ROBO2: variants seen among roughly 807,000 people sequenced by gnomAD.
The protein encoded by ROBO2 is roundabout guidance receptor 2.
Under a neutral mutation model 160.8 loss-of-function variants are expected in ROBO2, and 53 were observed. The observed-to-expected ratio is 0.33, with a 90% CI of 0.26 to 0.41. The LOEUF (loss-of-function observed/expected upper bound fraction) is 0.41. Among genes scored for constraint, ROBO2 ranks in the 10% least tolerant of loss-of-function variants. The probability of loss-of-function intolerance (pLI) is 1.00; values close to 1 mark genes in which losing one functional copy is unlikely to be tolerated. For missense variants in ROBO2, 1,577 were observed against 1,722.4 expected, an observed-to-expected ratio of 0.92 and a Z score of 1.49; for synonymous variants, 664 against 611.7, an observed-to-expected ratio of 1.09 and a Z score of -1.26.
intron 2 of ROBO2, among the ~76,000 whole-genome samples, chr3:76,223,265 T>C (rs1704084282): frequency 6.6e-6 from 1 of 151,956 alleles, no homozygotes; most frequent in Non-Finnish European, 1.5e-5. Context: ...CTGAAGAGAA[T>C]CAGCATTATT....
At chr3:76,577,578 A>G (rs750239425) in intron 2 of ROBO2, among the ~76,000 whole-genome samples, 3 of 152,162 alleles carry the variant, frequency 2.0e-5, no homozygotes, top group South Asian at 2.1e-4. Context: ...ACATGCTTCA[A>G]TCACACCTGA....
intron 2 of ROBO2, among the ~76,000 whole-genome samples, chr3:77,174,354 AG>A (rs2079930131): frequency 1.3e-5 from 2 of 152,012 alleles, no homozygotes; most frequent in African/African-American, 4.8e-5. Flanking sequence ...CAAAAAAAAA[AG>A]AGTTTTCTTT....
At chr3:75,922,851 A>G (rs1285028194) in intron 1 of ROBO2, among the ~76,000 whole-genome samples, 3 of 152,144 alleles carry the variant, frequency 2.0e-5, no homozygotes, top group African/African-American at 7.2e-5. Context: ...CATTTCCATA[A>G]TTTTTCTTCT....
At chr3:77,184,553 A>G (rs1373143063) in intron 2 of ROBO2, among the ~76,000 whole-genome samples, 5 of 152,046 alleles carry the variant, frequency 3.3e-5, no homozygotes, top group Non-Finnish European at 7.4e-5. Flanking sequence ...TGATTTTAGC[A>G]TGCCTAAAAC....
chr3:75,950,910 C>T (rs1325721260), intron 2 of ROBO2, among the ~76,000 whole-genome samples: 1 of 151,944 alleles, frequency 6.6e-6, no homozygotes, highest in Non-Finnish European at 1.5e-5. Flanking sequence ...TCAACTGCAA[C>T]CCTAAACTGA....
intron 1 of ROBO2, among the ~76,000 whole-genome samples, chr3:77,064,760 A>G (rs1269428990): frequency 1.3e-5 from 2 of 152,208 alleles, no homozygotes; most frequent in Non-Finnish European, 2.9e-5. Flanking sequence ...AATCTATTTC[A>G]TAATGATTTG....
At chr3:77,612,036 C>T (rs2094653413) in intron 21 of ROBO2, among the ~76,000 whole-genome samples, 1 of 152,138 alleles carries the variant, frequency 6.6e-6, no homozygotes, top group South Asian at 2.1e-4. Context: ...CTGGCCTTTA[C>T]AAGTTAATTC....
intron 2 of ROBO2, among the ~76,000 whole-genome samples, chr3:76,738,059 A>G (rs1346380381): frequency 6.6e-6 from 1 of 152,096 alleles, no homozygotes; most frequent in Non-Finnish European, 1.5e-5. Context: ...ACTTCAGCCC[A>G]GGAGGTCGAG....
intron 2 of ROBO2, among the ~76,000 whole-genome samples, chr3:76,965,592 C>A (rs1479972048): frequency 3.3e-5 from 5 of 150,746 alleles, no homozygotes; most frequent in African/African-American, 9.8e-5. Context: ...ATCTTTGTTT[C>A]TACACTTAAT....
chr3:77,463,381 T>G (rs1315441869), intron 2 of ROBO2, among the ~76,000 whole-genome samples: 1 of 152,112 alleles, frequency 6.6e-6, no homozygotes, highest in Non-Finnish European at 1.5e-5. Flanking sequence ...ACCATGGATA[T>G]TAGTACTGTA....
At chr3:77,247,564 GCTC>G (rs1308866851) in intron 2 of ROBO2, among the ~76,000 whole-genome samples, 1 of 152,114 alleles carries the variant, frequency 6.6e-6, no homozygotes, top group African/African-American at 2.4e-5. Context: ...AAATACAGTG[GCTC>G]CTCCTCTCTT....
intron 2 of ROBO2, among the ~76,000 whole-genome samples, chr3:76,645,884 C>G (rs1578843618): frequency 6.6e-6 from 1 of 152,052 alleles, no homozygotes; most frequent in East Asian, 1.9e-4. Flanking sequence ...ATTCACAAGT[C>G]ATGTATTGTG....
intron 2 of ROBO2, among the ~76,000 whole-genome samples, chr3:76,231,129 A>G (rs1704598506): frequency 1.3e-5 from 2 of 152,216 alleles, no homozygotes; most frequent in Non-Finnish European, 2.9e-5. Context: ...CTACCCAGTC[A>G]GAGAAACTTT....
chr3:76,324,619 C>T (rs1478757050), intron 2 of ROBO2, among the ~76,000 whole-genome samples: 1 of 151,076 alleles, frequency 6.6e-6, no homozygotes, highest in Non-Finnish European at 1.5e-5. Flanking sequence ...TTAAGATCCA[C>T]GTGAGTCTAA....
At chr3:76,635,998 T>G (rs368240977) in intron 2 of ROBO2, among the ~76,000 whole-genome samples, 12 of 152,336 alleles carry the variant, frequency 7.9e-5, no homozygotes, top group Non-Finnish European at 1.6e-4. Context: ...GTTTTTGTGT[T>G]GATGATTTGT....
At chr3:77,117,505 A>G (rs2074325920) in intron 2 of ROBO2, among the ~76,000 whole-genome samples, 2 of 152,186 alleles carry the variant, frequency 1.3e-5, no homozygotes, top group South Asian at 2.1e-4. Flanking sequence ...ATGCTAATCT[A>G]ACACAGAAAT....
chr3:77,049,560 A>G (rs1161841989), intron 1 of ROBO2, among the ~76,000 whole-genome samples: 1 of 152,208 alleles, frequency 6.6e-6, no homozygotes, highest in Non-Finnish European at 1.5e-5. Flanking sequence ...CCTTATCAAT[A>G]AATGGAATTT....
intron 2 of ROBO2, among the ~76,000 whole-genome samples, chr3:77,428,710 T>A (rs2078474453): frequency 6.6e-6 from 1 of 152,172 alleles, no homozygotes; most frequent in African/African-American, 2.4e-5. Context: ...TGCTCATTTT[T>A]AATAGCTTTT....
chr3:77,552,546 C>G (rs2092957587), intron 8 of ROBO2, among the ~76,000 whole-genome samples: 1 of 151,990 alleles, frequency 6.6e-6, no homozygotes, highest in South Asian at 2.1e-4. Flanking sequence ...GTTAGTCTAG[C>G]TTTCTTTCTG....
Sources: allele counts gnomAD v4.1 joint callset (sites outside exome capture counted in the v4.1 genomes callset), GRCh38; gene constraint gnomAD v4.1.1; transcripts MANE v1.5; gene names NCBI Gene and HGNC (gene_info 2026-07-23, HGNC 2026-07-21).